Variants in MYT1 observed in about 807,000 individuals in gnomAD.
The protein encoded by MYT1 is myelin transcription factor I.
In MYT1, 23 loss-of-function variants were observed where a neutral mutation model predicts 123.0. The ratio of observed to expected loss-of-function variants is 0.19; its 90% CI spans 0.13 to 0.26. MYT1 has a LOEUF of 0.26. MYT1 is among the 10% of genes least tolerant of loss of function. The probability of loss-of-function intolerance (pLI) is 1.00; values close to 1 mark genes in which losing one functional copy is unlikely to be tolerated. For missense variants in MYT1, 1,125 were observed against 1,472.5 expected (o/e 0.76, Z 3.86); for synonymous variants, 518 against 575.3 (o/e 0.90, Z 1.43).
At position 64,208,405 on chromosome 20, in the gene MYT1, C is replaced by G. The variant is rs977403417; in HGVS notation, c.1209C>G (p.Ala403=). The change falls in exon 7 of 23, where the codon GCC becomes GCG. Residue 403 remains alanine (A), a synonymous_variant. Transcript: ENST00000328439. The surrounding 1 kb of genome is among the most constrained non-coding windows in gnomAD (Gnocchi z 5.4). ...RTVCEPGCPP[A]EQSQLGLGEP... ...TCTGCGAGCCGGGCTGCCCGCCTGC[C>G]GAGCAGAGCCAGCTGGGCCTGGGAG... 2.5e-6 allele frequency: 4 copies of G among 1,613,480 alleles called. No individual in the cohort carries two copies. Among genetic ancestry groups the G allele is most frequent in the Non-Finnish European group, 3.4e-6 (4 of 1,179,972 alleles).
rs915585230 is a variant in MYT1 at position 64,203,322 on chromosome 20, C to G, written c.87-1713C>G. On this transcript the variant is annotated intron_variant, in intron 4 of 22. Coordinates refer to ENST00000328439, the MANE Select transcript of MYT1 (RefSeq NM_004535.3). This position sits in a 1 kb window ranked among gnomAD's most constrained non-coding sequence, Gnocchi z 5.1. ...TAATTGGGACCTTAGCTTCAAATCC[C>G]CATTAACAAGGAGCTTTTTTGTGAA... 7.9e-5 allele frequency among the ~76,000 whole-genome samples: 12 copies of G among 152,204 alleles called. No homozygotes were observed. Among genetic ancestry groups the G allele is most frequent in the African/African-American group, 2.9e-4 (12 of 41,440 alleles).
At chr20:64,221,154 C>T (rs1381472853) in intron 13 of MYT1, among the ~76,000 whole-genome samples, 1 of 152,204 alleles carries the variant, frequency 6.6e-6, no homozygotes, top group Admixed American at 6.5e-5. Context: ...TCAAGTTGGA[C>T]AGAGTGGCAC....
chr20:64,176,998 C>T (rs550174863), intron 1 of MYT1, among the ~76,000 whole-genome samples: 1 of 152,350 alleles, frequency 6.6e-6, no homozygotes, highest in Non-Finnish European at 1.5e-5. Context: ...GACTCAGCCA[C>T]AGTAACTGCC....
At position 64,167,089 on chromosome 20, in the gene MYT1, G is replaced by A. The variant is rs891697879; in HGVS notation, c.-99+2350G>A. Among the ~76,000 whole-genome samples, 3 of 152,176 alleles carry A rather than the reference G, an allele frequency of 2.0e-5. No homozygotes were observed. The East Asian group carries it at 5.8e-4, about 29-fold the overall frequency. Reference sequence around the variant, plus strand: ...GAGACCCACACCACTCTGCACTGGGGAGACAGGGGTCAGAGCCTGACTAAC... The same window carrying A: ...GAGACCCACACCACTCTGCACTGGGAAGACAGGGGTCAGAGCCTGACTAAC... On this transcript the variant is annotated intron_variant, in intron 1 of 22. Transcript: ENST00000328439. The surrounding 1 kb of genome is among the most constrained non-coding windows in gnomAD (Gnocchi z 6.3).
chr20:64,188,693 C>T (rs373641808), intron 1 of MYT1, among the ~76,000 whole-genome samples: 11 of 152,292 alleles, frequency 7.2e-5, no homozygotes, highest in African/African-American at 2.4e-4. Context: ...GCAGGTGGGC[C>T]CCAGTTAGAG....
intron 1 of MYT1, among the ~76,000 whole-genome samples, chr20:64,172,655 G>A (rs193174525): frequency 3.9e-5 from 6 of 151,966 alleles, no homozygotes; most frequent in African/African-American, 1.2e-4. Flanking sequence ...TTGATCCCGC[G>A]AAGCCGACGT....
At position 64,167,304 on chromosome 20, in the gene MYT1, C is replaced by G. The variant is rs904446042; in HGVS notation, c.-99+2565C>G. ...TGGTGGGGGCTGAGCTCTTCCTGGA[C>G]GGACTCAGTGCAAAAGGTGCGTCTA... On this transcript the variant is annotated intron_variant, in intron 1 of 22. Coordinates refer to ENST00000328439, the MANE Select transcript of MYT1 (RefSeq NM_004535.3). The surrounding 1 kb of genome is among the most constrained non-coding windows in gnomAD (Gnocchi z 6.3). 6.6e-6 allele frequency among the ~76,000 whole-genome samples: 1 copy of G among 152,140 alleles called. No individual in the cohort carries two copies. Among genetic ancestry groups the G allele is most frequent in the Non-Finnish European group, 1.5e-5 (1 of 68,030 alleles).
chr20:64,205,507 C>A (rs753418058), intron 5 of MYT1, 46 bp from the exon 6 acceptor site: 1 of 1,601,572 alleles, frequency 6.2e-7, no homozygotes, highest in Non-Finnish European at 8.5e-7. Context: ...TGAGGCCTCT[C>A]GTGGCCCTAG....
At chr20:64,182,951 G>C (rs891384010) in intron 1 of MYT1, among the ~76,000 whole-genome samples, 1 of 152,232 alleles carries the variant, frequency 6.6e-6, no homozygotes, top group South Asian at 2.1e-4. Context: ...TTTAGCGTAC[G>C]TGTAGGGTTG....
rs1385032148 is a variant in MYT1, at chr20:64,186,031, A to C, written c.-98-4032A>C. 6.6e-6 allele frequency among the ~76,000 whole-genome samples: 1 copy of C among 152,196 alleles called. No homozygotes were observed. Among genetic ancestry groups the C allele is most frequent in the Non-Finnish European group, 1.5e-5 (1 of 68,024 alleles). Reference sequence around the variant, plus strand: ...GACAGACGGGGGGCTACAGCTCAGCACTGCACATCTCCCTGGCCTGTGTTG... The same window carrying C: ...GACAGACGGGGGGCTACAGCTCAGCCCTGCACATCTCCCTGGCCTGTGTTG... On this transcript the variant is annotated intron_variant, in intron 1 of 22. Coordinates refer to ENST00000328439, the MANE Select transcript of MYT1 (RefSeq NM_004535.3). This position sits in a 1 kb window ranked among gnomAD's most constrained non-coding sequence, Gnocchi z 4.3.
rs1555815098 is a variant in MYT1 at position 64,231,005 on chromosome 20, CGCCTCTCACCCCTACGGCGGGA to C, written c.2676-1152_2676-1131del. ...TCCACTGGGCAGCGCAGCCCTGAGC[CGCCTCTCACCCCTACGGCGGGA>C]GCCTCTGCCCCCGCCCCCGCCCCCT... On this transcript the variant is annotated intron_variant, in intron 18 of 22. Transcript: ENST00000328439. The surrounding 1 kb of genome is among the most constrained non-coding windows in gnomAD (Gnocchi z 6.4). 2.6e-5 allele frequency among the ~76,000 whole-genome samples: 4 copies of C among 152,142 alleles called. No homozygotes were observed. The highest frequency in any genetic ancestry group is 5.9e-5 in the Non-Finnish European group (4 of 68,012).
rs1394284341 is a variant in MYT1, at chr20:64,190,267, G to A, written c.-1+107G>A. On this transcript the variant is annotated intron_variant, in intron 2 of 22. Coordinates refer to ENST00000328439, the MANE Select transcript of MYT1 (RefSeq NM_004535.3). The surrounding 1 kb of genome is among the most constrained non-coding windows in gnomAD (Gnocchi z 4.1). ...GAAGCATGGAGGCGACTTTTGGTCT[G>A]ATCCTCACCAGAGTCCGGGTTAGGT... is the stretch of plus-strand genomic sequence containing the variant. 4.6e-5 allele frequency: 7 copies of A among 152,422 alleles called. No individual in the cohort carries two copies. Among genetic ancestry groups the A allele is most frequent in the Admixed American group, 4.6e-4 (7 of 15,290 alleles). The allele number at this position is 152,422 out of a possible 1,614,324, so 9.4% of individuals were successfully genotyped here.
At chr20:64,211,366 CCTAA>C in intron 8 of MYT1, 26 bp downstream of exon 8, 1 of 1,592,990 alleles carries the variant, frequency 6.3e-7, no homozygotes, top group Non-Finnish European at 8.6e-7. Context: ...CAGCGTTAGC[CCTAA>C]CTGTGAAGCT....
rs1023074381 is a variant in MYT1, at chr20:64,232,487, T to G, written c.2897+102T>G. 9 of 1,212,832 alleles carry G rather than the reference T, an allele frequency of 7.4e-6. No individual in the cohort carries two copies. Among genetic ancestry groups the G allele is most frequent in the African/African-American group, 1.5e-5 (1 of 66,590 alleles). 75.1% of individuals were successfully genotyped at this position (1,212,832 alleles called of 1,614,324 possible). A position where few individuals can be genotyped will look rare whatever the true frequency, so the allele number is the denominator to read the frequency against. The stretch of plus-strand genomic sequence containing the variant: ...GAGGGAGGGCCAGACCAGGGCTCCG[T>G]GTGACCAGAGTTGCTCAAGGGAAAG... On this transcript the variant is annotated intron_variant, in intron 19 of 22. Transcript: ENST00000328439. The surrounding 1 kb of genome is among the most constrained non-coding windows in gnomAD (Gnocchi z 6.9).
Position 64,213,621 on chromosome 20 carries a change from T to G in MYT1, c.1605T>G (p.Ser535Arg). The change falls in exon 10 of 23, where the codon AGT (serine) becomes AGG (arginine). Residue 535 changes from serine (S) to arginine (R), a missense_variant. Around this residue, in one of 4 missense-constraint regions of MYT1, gnomAD observed 429 missense variants for 604.1 expected, o/e 0.71. Transcript: ENST00000328439. The surrounding 1 kb of genome is among the most constrained non-coding windows in gnomAD (Gnocchi z 5.6). ...QQPQTGDPSK[S>R]SSNSDRILRP... ...CGCAGACAGGAGATCCTTCCAAGAG[T>G]AGCTCCAATTCCGATCGGATCCTCA... 2.5e-6 allele frequency: 4 copies of G among 1,613,644 alleles called. No homozygotes were observed. The highest frequency in any genetic ancestry group is 3.4e-6 in the Non-Finnish European group (4 of 1,179,918).
chr20:64,169,923 C>T (rs553406541), intron 1 of MYT1, among the ~76,000 whole-genome samples: 11 of 152,226 alleles, frequency 7.2e-5, no homozygotes, highest in African/African-American at 2.6e-4. Context: ...TAGCTCGAAT[C>T]TAAGATCTTT....
rs1030379550 is a variant in MYT1 at position 64,167,502 on chromosome 20, G to C, written c.-99+2763G>C. Among the ~76,000 whole-genome samples the C allele has an allele frequency of 6.6e-6, 1 of 152,166 alleles. No homozygotes were observed. The highest frequency in any genetic ancestry group is 1.5e-5 in the Non-Finnish European group (1 of 68,034). Reference sequence around the variant, plus strand: ...ACAGGGGTCAGGAGGTTAGCTGTGGGGTGGGTGGGGGCTGCTGGCGGTCAC... The same window carrying C: ...ACAGGGGTCAGGAGGTTAGCTGTGGCGTGGGTGGGGGCTGCTGGCGGTCAC... On this transcript the variant is annotated intron_variant, in intron 1 of 22. Coordinates refer to ENST00000328439, the MANE Select transcript of MYT1 (RefSeq NM_004535.3). The surrounding 1 kb of genome is among the most constrained non-coding windows in gnomAD (Gnocchi z 6.3).
chr20:64,235,196 A>G (rs1316368465), intron 19 of MYT1, among the ~76,000 whole-genome samples: 4 of 48,082 alleles, frequency 8.3e-5, no homozygotes, highest in Admixed American at 2.0e-4. Flanking sequence ...TGGCCGTGGT[A>G]TGTGACCCCG....
chr20:64,232,334 C>A lies in MYT1; in HGVS notation c.2846C>A (p.Pro949Gln). The part of the protein sequence containing the change: ...LKNEGPTCPT[P>Q]GCDGSGHANG... ...AATGAAGGACCGACCTGCCCCACCC[C>A]GGGCTGTGACGGCTCTGGCCACGCC... The change falls in exon 19 of 23, where the codon CCG (proline) becomes CAG (glutamine). Residue 949 changes from proline (P) to glutamine (Q), a missense_variant. Around this residue, in one of 4 missense-constraint regions of MYT1, gnomAD observed 243 missense variants for 323.1 expected, o/e 0.75. Transcript: ENST00000328439. This position sits in a 1 kb window ranked among gnomAD's most constrained non-coding sequence, Gnocchi z 6.9. The A allele has an allele frequency of 6.2e-7, 1 of 1,613,010 alleles. No individual in the cohort carries two copies. Among genetic ancestry groups the A allele is most frequent in the East Asian group, 2.2e-5 (1 of 44,882 alleles).
Sources: allele counts gnomAD v4.1 joint callset (sites outside exome capture counted in the v4.1 genomes callset), GRCh38; gene constraint gnomAD v4.1.1; regional missense constraint gnomAD v4.1.1; non-coding constraint Gnocchi (gnomAD v3.1); transcripts MANE v1.5; gene names NCBI Gene and HGNC (gene_info 2026-07-23, HGNC 2026-07-21).